The following SLC5A12 variants were observed in gnomAD, a reference collection of about 807,000 sequenced individuals.
SLC5A12 encodes solute carrier family 5 member 12, also known as sodium-coupled monocarboxylate transporter 2.
Under a neutral mutation model 72.7 loss-of-function variants are expected in SLC5A12, and 46 were observed. The ratio of observed to expected loss-of-function variants is 0.63; its 90% CI spans 0.50 to 0.81. SLC5A12 has a LOEUF of 0.81. Among genes scored for constraint, SLC5A12 ranks in the 30% least tolerant of loss-of-function variants. The pLI is 0.00. For synonymous variants in SLC5A12, 275 were observed against 264.4 expected, an observed-to-expected ratio of 1.04 and a Z score of -0.39; for missense variants, 683 against 740.7, an observed-to-expected ratio of 0.92 and a Z score of 0.90.
At chr11:26,683,866 A>T (rs748643556) in intron 10 of SLC5A12, 23 bp from the exon 11 acceptor site, 2 of 1,567,744 alleles carry the variant, frequency 1.3e-6, no homozygotes, top group Non-Finnish European at 1.7e-6. Context: ...GGCAGACCAG[A>T]TGAATCCCCT....
At chr11:26,676,317 T>C (rs770691526) in intron 13 of SLC5A12, among the ~76,000 whole-genome samples, 2 of 139,620 alleles carry the variant, frequency 1.4e-5, no homozygotes, top group East Asian at 2.1e-4. Flanking sequence ...AAATCAACCA[T>C]AGTTAAAAGC....
chr11:26,699,061 A>G (rs372714404), intron 6 of SLC5A12, among the ~76,000 whole-genome samples: 291 of 152,360 alleles, frequency 1.9e-3, no homozygotes, highest in African/African-American at 6.7e-3. Context: ...CAAAAAACTT[A>G]GGATCATCTT....
intron 2 of SLC5A12, among the ~76,000 whole-genome samples, chr11:26,711,813 C>G (rs1565202520): frequency 2.6e-5 from 4 of 152,016 alleles, no homozygotes; most frequent in Admixed American, 2.0e-4. Flanking sequence ...GGAGAAAGTA[C>G]TGTGCTGGGA....
intron 13 of SLC5A12, among the ~76,000 whole-genome samples, chr11:26,677,691 T>A (rs977935653): frequency 6.6e-6 from 1 of 152,138 alleles, no homozygotes; most frequent in African/African-American, 2.4e-5. Context: ...ATAGCCAAGA[T>A]CTTCTTAAAT....
intron 6 of SLC5A12, among the ~76,000 whole-genome samples, chr11:26,699,944 A>G (rs1002440135): frequency 1.3e-5 from 2 of 152,240 alleles, no homozygotes; most frequent in African/African-American, 4.8e-5. Flanking sequence ...AATTAATGGT[A>G]GAAATTCTTT....
chr11:26,680,408 T>C (rs199962086), intron 12 of SLC5A12, among the ~76,000 whole-genome samples: 853 of 80,022 alleles, frequency 0.011, 83 homozygotes, highest in African/African-American at 0.023. Context: ...TATATATATA[T>C]ATTTCCTCAT....
chr11:26,707,034 G>C (rs142485570), intron 4 of SLC5A12, among the ~76,000 whole-genome samples: 45 of 151,218 alleles, frequency 3.0e-4, no homozygotes, highest in African/African-American at 1.1e-3. Flanking sequence ...TTTTCTTTAG[G>C]GAAGATCTGT....
At position 26,669,207 on chromosome 11, in the gene SLC5A12, C is replaced by CTTTTTT. The variant is rs878917224; in HGVS notation, c.*1894_*1895insAAAAAA. 16 of 119,426 alleles carry CTTTTTT rather than the reference C, an allele frequency of 1.3e-4. No individual in the cohort carries two copies. Among genetic ancestry groups the CTTTTTT allele is most frequent in the African/African-American group, 4.4e-4 (15 of 33,756 alleles). The allele number at this position is 119,426 out of a possible 1,614,324, so 7.4% of individuals were successfully genotyped here. A position where few individuals can be genotyped will look rare whatever the true frequency, so the allele number is the denominator to read the frequency against. On this transcript the variant is annotated 3_prime_UTR_variant, in exon 15 of 15. Transcript: ENST00000396005. ...TCTTCTTTTCTTTCTTTCTTTCTTTCTTTCTTTCTTTCTCTCTCTCCCTCC... is the reference window on the plus strand; with the variant it reads ...TCTTCTTTTCTTTCTTTCTTTCTTTCTTTTTTTTTCTTTCTTTCTCTCTCTCCCTCC...
chr11:26,710,940 C>T (rs995123611), intron 3 of SLC5A12, among the ~76,000 whole-genome samples: 1 of 151,936 alleles, frequency 6.6e-6, no homozygotes, highest in African/African-American at 2.4e-5. Context: ...AACTTTTATA[C>T]TGAGATTATC....
In SLC5A12 at chr11:26,707,604, T is replaced by G. The variant is rs759707332; in HGVS notation, c.525+1708A>C. On this transcript the variant is annotated intron_variant, in intron 4 of 14. Transcript: ENST00000396005. ...TACATTTGCTCTTTATCATAATCAT[T>G]ATATTGTGTGGTCAGTCATTCCTGA... is the stretch of plus-strand genomic sequence containing the variant. Among the ~76,000 whole-genome samples, 211 of 152,122 alleles carry G rather than the reference T, an allele frequency of 1.4e-3. 3 individuals are homozygous for G. The highest frequency in any genetic ancestry group is 2.4e-4 in the Non-Finnish European group (16 of 67,954).
rs1855021559 is a variant in SLC5A12, at chr11:26,703,835, A to G, written c.638T>C (p.Val213Ala). 6.2e-7 allele frequency: 1 copy of G among 1,613,968 alleles called. No homozygotes were observed. The highest frequency in any genetic ancestry group is 8.5e-7 in the Non-Finnish European group (1 of 1,179,890). Residue 213 changes from valine to alanine, a missense_variant, in exon 5 of 15, where the codon GTA becomes GCA. By Grantham distance (64) the Val-to-Ala change is moderately conservative. Coordinates refer to ENST00000396005, the MANE Select transcript of SLC5A12 (RefSeq NM_178498.4). Reference sequence around the variant, plus strand: ...AGATCCATTTGTTGATTGCTCTAATACATTGTGGAATCCCCCAGCATGAGT... The same window carrying G: ...AGATCCATTTGTTGATTGCTCTAATGCATTGTGGAATCCCCCAGCATGAGT... Reference protein sequence around the residue: ...GSTHAGGFHNVLEQSTNGSRL... With the variant: ...GSTHAGGFHNALEQSTNGSRL...
Position 26,669,199 on chromosome 11 carries a change from C to CTTTCTTTCTTTCTT in SLC5A12, c.*1889_*1902dup, listed in dbSNP as rs1565179516. On this transcript the variant is annotated 3_prime_UTR_variant, in exon 15 of 15. Transcript: ENST00000396005. ...TCTTTCTTTCTTCTTTTCTTTCTTT[C>CTTTCTTTCTTTCTT]TTTCTTTCTTTCTTTCTTTCTCTCT... 7.5e-5 allele frequency: 10 copies of CTTTCTTTCTTTCTT among 133,250 alleles called. No individual in the cohort carries two copies. Among genetic ancestry groups the CTTTCTTTCTTTCTT allele is most frequent in the Non-Finnish European group, 9.5e-5 (6 of 63,298 alleles). 8.3% of individuals were successfully genotyped at this position (133,250 alleles called of 1,614,324 possible). A position where few individuals can be genotyped will look rare whatever the true frequency, so the allele number is the denominator to read the frequency against.
chr11:26,684,053 T>TG (rs398115191), intron 10 of SLC5A12, among the ~76,000 whole-genome samples: 14 of 151,990 alleles, frequency 9.2e-5, no homozygotes, highest in African/African-American at 1.7e-4. Flanking sequence ...TGTGTGTGTG[T>TG]TTGTATAGTA....
At chr11:26,673,265 C>A (rs4278475) in intron 14 of SLC5A12, 137 bp downstream of exon 14, 1 of 1,017,924 alleles carries the variant, frequency 9.8e-7, no homozygotes, top group Non-Finnish European at 1.4e-6. Context: ...AACTCTGAAG[C>A]TGAAACTCAA....
rs1163435288 is a variant in SLC5A12 at position 26,721,607 on chromosome 11, T to G, written c.108A>C (p.Ala36=). 1 of 1,614,164 alleles carries G rather than the reference T, an allele frequency of 6.2e-7. No homozygotes were observed. The highest frequency in any genetic ancestry group is 1.7e-5 in the Admixed American group (1 of 60,020). The stretch of plus-strand genomic sequence containing the variant: ...CCCCAACCAGGAACTCTCGGGAAGT[T>G]GCCTTTTTTCTCTCCTTAATGGCAA... ...VFFAIKERKK[A]TSREFLVGGR... is the part of the protein sequence containing the mutation. The change falls in exon 1 of 15, where the codon GCA becomes GCC. Residue 36 remains alanine, a synonymous_variant. Coordinates refer to ENST00000396005, the MANE Select transcript of SLC5A12 (RefSeq NM_178498.4).
At chr11:26,686,624 CT>C in intron 9 of SLC5A12, 80 bp from the exon 10 acceptor site, 1 of 1,263,092 alleles carries the variant, frequency 7.9e-7, no homozygotes, top group Non-Finnish European at 1.1e-6. Context: ...CCACTCAGAA[CT>C]GTCTCTGATC....
chr11:26,673,311 T>C (rs1271451048), intron 14 of SLC5A12, 91 bp downstream of exon 14: 6 of 1,312,372 alleles, frequency 4.6e-6, no homozygotes, highest in African/African-American at 1.5e-5. Context: ...GCTTTCCCTT[T>C]CCAGTGCATC....
At chr11:26,692,794 G>T (rs1854715199) in intron 8 of SLC5A12, among the ~76,000 whole-genome samples, 193 bp from the exon 9 acceptor site, 1 of 152,088 alleles carries the variant, frequency 6.6e-6, no homozygotes, top group African/African-American at 2.4e-5. Flanking sequence ...CCATGCTATT[G>T]CTCTTAAAAT....
intron 13 of SLC5A12, among the ~76,000 whole-genome samples, chr11:26,674,658 C>T (rs1323511741): frequency 6.6e-6 from 1 of 152,156 alleles, no homozygotes; most frequent in Non-Finnish European, 1.5e-5. Flanking sequence ...CCACCTCAGC[C>T]TCCCAAAGTG....
Sources: gnomAD v4.1 joint callset for allele counts (sites outside exome capture counted in the v4.1 genomes callset) on GRCh38, gnomAD v4.1.1 for gene constraint, MANE v1.5 for transcripts, NCBI Gene and HGNC (gene_info 2026-07-23, HGNC 2026-07-21) for gene names.